Variants in NKAIN2 observed in about 807,000 individuals in gnomAD.
NKAIN2 encodes sodium/potassium transporting ATPase interacting 2.
NKAIN2 carries 14 observed loss-of-function variants against 32.6 expected under a neutral mutation model. That is an observed-to-expected ratio of 0.43 (90% CI 0.28 to 0.67). NKAIN2 has a LOEUF of 0.67. Ranked by LOEUF, NKAIN2 falls within the 30% of genes least tolerant of loss-of-function variation. The probability of loss-of-function intolerance (pLI) is 0.17; values close to 1 mark genes in which losing one functional copy is unlikely to be tolerated. For missense variants in NKAIN2, 198 were observed against 258.3 expected, an observed-to-expected ratio of 0.77 and a Z score of 1.60; for synonymous variants, 80 against 87.2, an observed-to-expected ratio of 0.92 and a Z score of 0.46.
chr6:124,410,183 C>G (rs1438707367), intron 3 of NKAIN2, among the ~76,000 whole-genome samples: 2 of 151,974 alleles, frequency 1.3e-5, no homozygotes, highest in African/African-American at 4.8e-5. Context: ...TTTTTTGTGT[C>G]TCTCTCTCCT....
At chr6:124,224,613 AAG>A (rs1792011090) in intron 1 of NKAIN2, among the ~76,000 whole-genome samples, 1 of 152,054 alleles carries the variant, frequency 6.6e-6, no homozygotes, top group South Asian at 2.1e-4. Flanking sequence ...CTTCTTCTGA[AAG>A]AGAGATGCCT....
At chr6:124,011,430 C>T (rs1176359267) in intron 1 of NKAIN2, among the ~76,000 whole-genome samples, 1 of 151,632 alleles carries the variant, frequency 6.6e-6, no homozygotes. Context: ...GACGCATTTC[C>T]AACTGTTAGT....
At chr6:123,856,687 A>G (rs1054545700) in intron 1 of NKAIN2, among the ~76,000 whole-genome samples, 1 of 152,166 alleles carries the variant, frequency 6.6e-6, no homozygotes, top group Non-Finnish European at 1.5e-5. Flanking sequence ...GACCACCTAT[A>G]TCTGTGACAC....
intron 1 of NKAIN2, among the ~76,000 whole-genome samples, chr6:123,917,076 G>T (rs1222216488): frequency 6.6e-6 from 1 of 152,024 alleles, no homozygotes; most frequent in African/African-American, 2.4e-5. Context: ...TAGAACATGT[G>T]GAGCTTTTGT....
intron 1 of NKAIN2, among the ~76,000 whole-genome samples, chr6:124,125,343 G>A (rs1413003236): frequency 6.6e-6 from 1 of 152,024 alleles, no homozygotes; most frequent in Admixed American, 6.6e-5. Flanking sequence ...GTCTGTAGTG[G>A]CCATTACTCT....
chr6:123,911,348 G>A (rs1775168481), intron 1 of NKAIN2, among the ~76,000 whole-genome samples: 1 of 152,086 alleles, frequency 6.6e-6, no homozygotes, highest in African/African-American at 2.4e-5. Flanking sequence ...TCCACTCATA[G>A]TGGAAGGTGA....
At chr6:124,631,614 G>C (rs1288019294) in intron 3 of NKAIN2, among the ~76,000 whole-genome samples, 1 of 151,970 alleles carries the variant, frequency 6.6e-6, no homozygotes, top group African/African-American at 2.4e-5. Context: ...TTTCTACCAG[G>C]GAGCAGCTCT....
At chr6:124,399,025 C>T (rs922783534) in intron 3 of NKAIN2, among the ~76,000 whole-genome samples, 1 of 152,054 alleles carries the variant, frequency 6.6e-6, no homozygotes, top group Non-Finnish European at 1.5e-5. Flanking sequence ...CTCTCAGGTT[C>T]AAGTGATTCT....
At chr6:124,044,962 C>T (rs1782049358) in intron 1 of NKAIN2, among the ~76,000 whole-genome samples, 1 of 151,954 alleles carries the variant, frequency 6.6e-6, no homozygotes. Context: ...CACAGTTTGA[C>T]TCCCACAGGC....
chr6:123,922,639 G>C lies in NKAIN2; in HGVS notation c.54+118385G>C, dbSNP rs2206946. Among the ~76,000 whole-genome samples, 1,410 of 152,252 alleles carry C rather than the reference G, an allele frequency of 9.3e-3. 17 individuals are homozygous for C. Among genetic ancestry groups the C allele is most frequent in the African/African-American group, 0.032 (1,326 of 41,554 alleles). The stretch of plus-strand genomic sequence containing the variant: ...TTATGTGCAACAGTTATAAAATATA[G>C]TGTCTGGCTGAGGGTCGATGGGACT... On this transcript the variant is annotated intron_variant, in intron 1 of 6. Coordinates refer to ENST00000368417, the MANE Select transcript of NKAIN2 (RefSeq NM_001040214.3).
intron 3 of NKAIN2, among the ~76,000 whole-genome samples, chr6:124,651,488 G>A (rs1784366348): frequency 6.6e-6 from 1 of 152,168 alleles, no homozygotes; most frequent in African/African-American, 2.4e-5. Context: ...TTTGATTAGT[G>A]GATGCTGCCA....
intron 6 of NKAIN2, among the ~76,000 whole-genome samples, chr6:124,821,799 A>G (rs1405987341): frequency 1.3e-5 from 2 of 152,212 alleles, no homozygotes; most frequent in South Asian, 2.1e-4. Context: ...TACTCCAATC[A>G]TTCCTTCCAC....
chr6:123,858,297 G>T (rs947186648), intron 1 of NKAIN2, among the ~76,000 whole-genome samples: 1 of 152,002 alleles, frequency 6.6e-6, no homozygotes, highest in Admixed American at 6.6e-5. Flanking sequence ...TGTATTTTTA[G>T]TAGAGACAGA....
At chr6:124,806,543 T>C (rs947112998) in intron 5 of NKAIN2, among the ~76,000 whole-genome samples, 1 of 151,216 alleles carries the variant, frequency 6.6e-6, no homozygotes, top group African/African-American at 2.4e-5. Context: ...CATGCCAAAA[T>C]GTAAAGACCA....
chr6:124,394,154 T>C (rs1773260149), intron 3 of NKAIN2, among the ~76,000 whole-genome samples: 2 of 152,140 alleles, frequency 1.3e-5, no homozygotes, highest in Admixed American at 1.3e-4. Context: ...CTCTTTATTT[T>C]ATTTGTATTT....
chr6:124,496,551 A>T (rs9398758), intron 3 of NKAIN2, among the ~76,000 whole-genome samples: 13,845 of 152,122 alleles, frequency 0.091, 819 homozygotes, highest in East Asian at 0.28. Context: ...TTATCAAAAC[A>T]TGTGATGAGT....
chr6:124,217,813 A>C (rs1791564763), intron 1 of NKAIN2, among the ~76,000 whole-genome samples: 1 of 152,126 alleles, frequency 6.6e-6, no homozygotes, highest in African/African-American at 2.4e-5. Flanking sequence ...ACACACACAC[A>C]CATATCTATA....
rs369761493 is a variant in NKAIN2 at position 124,409,494 on chromosome 6, G to A, written c.273+54147G>A. On this transcript the variant is annotated intron_variant, in intron 3 of 6. Transcript: ENST00000368417. ...TGGTTCTGTTTATATGCTGTATTAC[G>A]TTTATTGATTTTCCTATGTTGGACC... 8.5e-5 allele frequency among the ~76,000 whole-genome samples: 13 copies of A among 152,220 alleles called. No individual in the cohort carries two copies. The South Asian group carries it at 1.5e-3, about 17-fold the overall frequency.
chr6:124,010,325 A>G (rs1345337918), intron 1 of NKAIN2, among the ~76,000 whole-genome samples: 1 of 152,090 alleles, frequency 6.6e-6, no homozygotes, highest in East Asian at 1.9e-4. Context: ...GGTCAAAGTT[A>G]TAGAAAGTGT....
Sources: allele counts gnomAD v4.1 joint callset (sites outside exome capture counted in the v4.1 genomes callset), GRCh38; gene constraint gnomAD v4.1.1; transcripts MANE v1.5; gene names NCBI Gene and HGNC (gene_info 2026-07-23, HGNC 2026-07-21).